The following ACOT11 variants were observed in gnomAD, a reference collection of about 807,000 sequenced individuals.
The protein encoded by ACOT11 is acyl-coenzyme A thioesterase 11.
Under a neutral mutation model 77.5 loss-of-function variants are expected in ACOT11, and 69 were observed. That is an observed-to-expected ratio of 0.89 (90% CI 0.73 to 1.09). The LOEUF (loss-of-function observed/expected upper bound fraction) is 1.09. Among genes scored for constraint, ACOT11 ranks in the 50% least tolerant of loss-of-function variants. The pLI, the probability that ACOT11 is intolerant of heterozygous loss-of-function variation, is 0.00. For missense variants in ACOT11, 766 were observed against 813.7 expected (o/e 0.94, Z 0.71); for synonymous variants, 279 against 313.0 (o/e 0.89, Z 1.15).
At chr1:54,586,000 C>A in intron 3 of ACOT11, 96 bp downstream of exon 3, 2 of 1,323,378 alleles carry the variant, frequency 1.5e-6, no homozygotes, top group Non-Finnish European at 2.1e-6. Context: ...GTCTGTGCTG[C>A]CTAGAGCCTG....
chr1:54,619,247 A>G (rs1644204563), intron 15 of ACOT11, among the ~76,000 whole-genome samples: 1 of 152,206 alleles, frequency 6.6e-6, no homozygotes, highest in South Asian at 2.1e-4. Context: ...CATGTTCGTG[A>G]ACATTATCTA....
At position 54,609,892 on chromosome 1, in the gene ACOT11, A is replaced by G; in HGVS notation, c.*780A>G. The stretch of plus-strand genomic sequence containing the variant: ...TATGAACAATGGGCACGGGGTTTTC[A>G]GCCACAGTTCCCTCGAGGCCAGTGT... On this transcript the variant is annotated 3_prime_UTR_variant, in exon 16 of 16. Coordinates refer to ENST00000343744, the MANE Select transcript of ACOT11 (RefSeq NM_147161.4). 1 of 1,612,528 alleles carries G rather than the reference A, an allele frequency of 6.2e-7. No individual in the cohort carries two copies. Among genetic ancestry groups the G allele is most frequent in the Non-Finnish European group, 8.5e-7 (1 of 1,179,968 alleles).
At chr1:54,567,168 C>T (rs1289389805) in intron 1 of ACOT11, among the ~76,000 whole-genome samples, 1 of 152,104 alleles carries the variant, frequency 6.6e-6, no homozygotes, top group African/African-American at 2.4e-5. Context: ...AAATTCTTGT[C>T]CCCTACTTAT....
chr1:54,569,032 G>A (rs1441955738), intron 1 of ACOT11, among the ~76,000 whole-genome samples: 1 of 151,796 alleles, frequency 6.6e-6, no homozygotes, highest in Non-Finnish European at 1.5e-5. Flanking sequence ...GATTACTTGA[G>A]CCTGGGAGGT....
At chr1:54,599,181 A>AATATATATATATATATATATATATATAT in intron 7 of ACOT11, 115 bp from the exon 8 acceptor site, 1 of 33,992 alleles carries the variant, frequency 2.9e-5, no homozygotes, top group Middle Eastern at 0.026. Context: ...AAAAAAAAAA[A>AATATATATATATATATATATATATATAT]ATATATATAT....
chr1:54,634,801 G>T (rs567844633), exon 17 of ACOT11: 1 of 689,880 alleles, frequency 1.4e-6, no homozygotes, highest in South Asian at 1.5e-5. Context: ...TTGCAGCCAC[G>T]TAGAGACTGA....
At chr1:54,633,143 TG>T (rs1644310836) in intron 16 of ACOT11, among the ~76,000 whole-genome samples, 1 of 152,234 alleles carries the variant, frequency 6.6e-6, no homozygotes, top group Non-Finnish European at 1.5e-5. Context: ...AAAAAATTTT[TG>T]GTGGCAGCCA....
At position 54,582,322 on chromosome 1, in the gene ACOT11, A is replaced by T. The variant is rs573453438; in HGVS notation, c.34-2333A>T. 8.4e-6 allele frequency: 4 copies of T among 477,154 alleles called. No individual in the cohort carries two copies. In the African/African-American group the frequency reaches 8.5e-5, roughly 10 times the overall value. The allele number at this position is 477,154 out of a possible 1,614,324, so 29.6% of individuals were successfully genotyped here. A position where few individuals can be genotyped will look rare whatever the true frequency, so the allele number is the denominator to read the frequency against. On this transcript the variant is annotated intron_variant, in intron 1 of 15. Coordinates refer to ENST00000343744, the MANE Select transcript of ACOT11 (RefSeq NM_147161.4). ...ACAGCACTTGAGGGACACAGGTAGA[A>T]TTTGAACTCAAGTCCGTCTCTGTTT...
chr1:54,611,603 T>C, downstream of ACOT11: 1 of 1,613,580 alleles, frequency 6.2e-7, no homozygotes, highest in Non-Finnish European at 8.5e-7. Context: ...TTCCTCTCCT[T>C]ACAGGCCAGC....
chr1:54,562,521 G>C (rs1171440877), intron 1 of ACOT11, among the ~76,000 whole-genome samples: 2 of 95,700 alleles, frequency 2.1e-5, no homozygotes, highest in African/African-American at 8.8e-5. Flanking sequence ...TCCCGGATGG[G>C]GCGGCTGGCC....
chr1:54,549,404 G>A (rs1034607087), intron 1 of ACOT11, among the ~76,000 whole-genome samples: 8 of 151,998 alleles, frequency 5.3e-5, no homozygotes, highest in Non-Finnish European at 8.8e-5. Flanking sequence ...GCTGCTCTCC[G>A]CGGCTTCGGT....
chr1:54,628,800 CTGT>C (rs1366279664), intron 15 of ACOT11, among the ~76,000 whole-genome samples: 1 of 133,208 alleles, frequency 7.5e-6, no homozygotes, highest in African/African-American at 2.5e-5. Context: ...TGGCTCATGC[CTGT>C]AATCCCAACA....
intron 1 of ACOT11, among the ~76,000 whole-genome samples, chr1:54,566,811 GAC>G (rs1194403930): frequency 6.6e-6 from 1 of 152,194 alleles, no homozygotes; most frequent in Non-Finnish European, 1.5e-5. Flanking sequence ...TCTTCAATAT[GAC>G]AGTCTTGGGA....
chr1:54,608,840 C>T (rs1644068271), intron 15 of ACOT11, 117 bp from the exon 16 acceptor site: 1 of 995,326 alleles, frequency 1.0e-6, no homozygotes, highest in Admixed American at 2.0e-5. Context: ...AATATTCTGC[C>T]CTCCCAGAAG....
At chr1:54,617,640 G>A (rs1463437497) in intron 15 of ACOT11, among the ~76,000 whole-genome samples, 1 of 144,188 alleles carries the variant, frequency 6.9e-6, no homozygotes, top group Admixed American at 7.1e-5. Context: ...CAACTTTAAT[G>A]TGCACATAGA....
In ACOT11 at chr1:54,597,175, G is replaced by T. The variant is rs533764092; in HGVS notation, c.608-84G>T. 142 of 1,547,090 alleles carry T rather than the reference G, an allele frequency of 9.2e-5. No individual in the cohort carries two copies. In the African/African-American group the frequency reaches 1.5e-3, roughly 16 times the overall value. ...ACCTGAGTGGGGTAGAGTGGTGGGG[G>T]TCCCAGGGCTGCCTGTGGGGAGGGG... On this transcript the variant is annotated intron_variant, in intron 6 of 15. Coordinates refer to ENST00000343744, the MANE Select transcript of ACOT11 (RefSeq NM_147161.4).
chr1:54,562,905 C>T (rs1383146764), intron 1 of ACOT11, among the ~76,000 whole-genome samples: 5 of 139,424 alleles, frequency 3.6e-5, no homozygotes, highest in African/African-American at 8.2e-5. Context: ...CGGGCGGAGA[C>T]GCTCCTCACT....
In ACOT11 at chr1:54,627,186, C is replaced by A. The variant is rs1300962048; in HGVS notation, c.1630-3548C>A. Among the ~76,000 whole-genome samples, 2 of 134,742 alleles carry A rather than the reference C, an allele frequency of 1.5e-5. 1 individual carries two copies. The highest frequency in any genetic ancestry group is 3.4e-5 in the Non-Finnish European group (2 of 59,434). 88.4% of individuals were successfully genotyped at this position (134,742 alleles called of 152,430 possible). ...AAGGCATTCTTATGCCCCTTTTTCA[C>A]AGAAGGGAGCCAGAGTCAGTTTGCA... On this transcript the variant is annotated intron_variant, in intron 15 of 16. Coordinates refer to the ACOT11 transcript ENST00000371316.
intron 1 of ACOT11, among the ~76,000 whole-genome samples, chr1:54,568,412 T>C (rs1039638513): frequency 8.5e-5 from 12 of 140,572 alleles, no homozygotes; most frequent in African/African-American, 3.4e-4. Flanking sequence ...TTGCCCAGGC[T>C]GGAGTACAAT....
Sources: gnomAD v4.1 joint callset for allele counts (sites outside exome capture counted in the v4.1 genomes callset) on GRCh38, gnomAD v4.1.1 for gene constraint, MANE v1.5 for transcripts, NCBI Gene and HGNC (gene_info 2026-07-23, HGNC 2026-07-21) for gene names.